Variants in TMEM131 observed in about 807,000 individuals in gnomAD.
TMEM131 encodes transmembrane protein 131, also known as 2610524E03Rik.
A neutral mutation model predicts 211.6 loss-of-function variants in TMEM131; 66 were observed. The ratio of observed to expected loss-of-function variants is 0.31; its 90% CI spans 0.26 to 0.38. The LOEUF (loss-of-function observed/expected upper bound fraction) is 0.38, where lower values mean the gene tolerates loss of function less well. TMEM131 is among the 10% of genes least tolerant of loss of function. The probability of loss-of-function intolerance (pLI) is 1.00; values close to 1 mark genes in which losing one functional copy is unlikely to be tolerated. For synonymous variants in TMEM131, 844 were observed against 841.3 expected (o/e 1.00, Z -0.06); for missense variants, 2,036 against 2,299.3 (o/e 0.89, Z 2.34).
At position 97,966,847 on chromosome 2, in the gene TMEM131, C is replaced by T. The variant is rs527506852; in HGVS notation, c.187+28629G>A. ...AACTTGCTCAAGGTCACAGTCAAGC[C>T]CATATTCCAAGTCAGCAGTCTGTTT... On this transcript the variant is annotated intron_variant, in intron 1 of 40. Coordinates refer to ENST00000186436, the MANE Select transcript of TMEM131 (RefSeq NM_015348.2). Among the ~76,000 whole-genome samples the T allele has an allele frequency of 2.0e-4, 30 of 152,162 alleles. No homozygotes were observed. The South Asian group carries it at 4.0e-3, about 20-fold the overall frequency.
At chr2:97,924,083 A>C (rs969652807) in intron 2 of TMEM131, among the ~76,000 whole-genome samples, 1 of 134,230 alleles carries the variant, frequency 7.4e-6, no homozygotes, top group Non-Finnish European at 1.7e-5. Flanking sequence ...CCATCTCAAA[A>C]AAAAAAAAGT....
intron 31 of TMEM131, among the ~76,000 whole-genome samples, chr2:97,786,840 G>A (rs1401236308): frequency 2.0e-5 from 3 of 152,190 alleles, no homozygotes; most frequent in Non-Finnish European, 4.4e-5. Flanking sequence ...ACAGAGCCAC[G>A]ATATCCGTTC....
chr2:97,861,660 T>C (rs906605289), intron 4 of TMEM131, among the ~76,000 whole-genome samples: 3 of 151,382 alleles, frequency 2.0e-5, no homozygotes, highest in Non-Finnish European at 4.4e-5. Flanking sequence ...GAAGAGTGGG[T>C]AGGACTGCAT....
intron 1 of TMEM131, 117 bp downstream of exon 1, chr2:97,995,359 C>T: frequency 9.3e-7 from 1 of 1,077,302 alleles, no homozygotes; most frequent in Non-Finnish European, 1.2e-6. Context: ...CGGTACCCGA[C>T]CGCCCAACTT....
At chr2:97,782,981 A>G (rs952707873) in intron 31 of TMEM131, among the ~76,000 whole-genome samples, 3 of 151,610 alleles carry the variant, frequency 2.0e-5, no homozygotes, top group East Asian at 3.8e-4. Flanking sequence ...AAAAAAAAAA[A>G]GAGCAAACCT....
chr2:97,868,212 C>G (rs916641701), intron 4 of TMEM131, among the ~76,000 whole-genome samples: 1 of 152,054 alleles, frequency 6.6e-6, no homozygotes, highest in African/African-American at 2.4e-5. Context: ...TTACTTTGTC[C>G]AAATTAACAC....
chr2:97,785,428 T>G (rs1326038485), intron 31 of TMEM131, among the ~76,000 whole-genome samples: 2 of 152,094 alleles, frequency 1.3e-5, no homozygotes, highest in African/African-American at 4.8e-5. Flanking sequence ...ATATTCAATA[T>G]CATTATCCAT....
At chr2:97,875,571 A>C (rs185959854) in intron 4 of TMEM131, among the ~76,000 whole-genome samples, 1 of 152,342 alleles carries the variant, frequency 6.6e-6, no homozygotes, top group African/African-American at 2.4e-5. Context: ...AACTCACTTA[A>C]AACTGCACAA....
At chr2:97,829,574 C>T (rs189698802) in intron 11 of TMEM131, among the ~76,000 whole-genome samples, 5 of 152,304 alleles carry the variant, frequency 3.3e-5, no homozygotes, top group East Asian at 1.9e-4. Context: ...AGCCAAATAA[C>T]GGAATAAAAG....
At chr2:97,867,857 G>A (rs1323445989) in intron 4 of TMEM131, among the ~76,000 whole-genome samples, 5 of 152,184 alleles carry the variant, frequency 3.3e-5, no homozygotes. Flanking sequence ...AGGGGTATGT[G>A]GTGGGGAGCA....
intron 4 of TMEM131, among the ~76,000 whole-genome samples, chr2:97,872,399 C>T (rs1483005043): frequency 3.3e-5 from 5 of 152,120 alleles, no homozygotes; most frequent in Non-Finnish European, 7.3e-5. Flanking sequence ...CCTTCTCTCT[C>T]GGAGCTAGTG....
intron 3 of TMEM131, among the ~76,000 whole-genome samples, chr2:97,900,039 C>T (rs1257463978): frequency 6.6e-6 from 1 of 152,000 alleles, no homozygotes; most frequent in Non-Finnish European, 1.5e-5. Flanking sequence ...TTTAAGGTAG[C>T]CTAGTCTCCC....
At chr2:97,901,567 G>C (rs1039831164) in intron 3 of TMEM131, among the ~76,000 whole-genome samples, 2 of 151,828 alleles carry the variant, frequency 1.3e-5, no homozygotes, top group African/African-American at 2.4e-5. Context: ...AAAGAAAATA[G>C]GTATATATTA....
chr2:97,793,662 A>G, intron 29 of TMEM131, 109 bp from the exon 30 acceptor site: 6 of 1,149,278 alleles, frequency 5.2e-6, no homozygotes, highest in Non-Finnish European at 6.0e-6. Context: ...ATGATGTAAT[A>G]GAAAACCAAG....
At chr2:97,885,114 T>C (rs1675090706) in intron 4 of TMEM131, among the ~76,000 whole-genome samples, 1 of 152,236 alleles carries the variant, frequency 6.6e-6, no homozygotes, top group Non-Finnish European at 1.5e-5. Flanking sequence ...GGTTATGTTT[T>C]CATTTCCAGA....
chr2:97,988,600 C>T (rs1227317712), intron 1 of TMEM131, among the ~76,000 whole-genome samples: 1 of 152,046 alleles, frequency 6.6e-6, no homozygotes, highest in Non-Finnish European at 1.5e-5. Context: ...CTGAATATAA[C>T]GTGGGCAAAG....
Position 97,912,915 on chromosome 2 carries a change from T to C in TMEM131, c.250-4217A>G, listed in dbSNP as rs370470414. ...AGACCAGCCTCGGCAAAAATATATGTGATATGCTTTAAAATATTATTAAAT... is the reference window on the plus strand; with the variant it reads ...AGACCAGCCTCGGCAAAAATATATGCGATATGCTTTAAAATATTATTAAAT... On this transcript the variant is annotated intron_variant, in intron 2 of 40. Coordinates refer to ENST00000186436, the MANE Select transcript of TMEM131 (RefSeq NM_015348.2). The C allele has an allele frequency of 3.3e-5, 5 of 152,316 alleles. No homozygotes were observed. In the East Asian group the frequency reaches 5.8e-4, roughly 18 times the overall value. 9.4% of individuals were successfully genotyped at this position (152,316 alleles called of 1,614,324 possible).
At chr2:97,842,428 AT>A (rs1242124398) in intron 6 of TMEM131, among the ~76,000 whole-genome samples, 1 of 152,204 alleles carries the variant, frequency 6.6e-6, no homozygotes, top group Non-Finnish European at 1.5e-5. Flanking sequence ...ATAGTGAACA[AT>A]TCAACAGTAA....
chr2:97,908,837 C>T, intron 2 of TMEM131, 139 bp from the exon 3 acceptor site: 1 of 601,336 alleles, frequency 1.7e-6, no homozygotes, highest in East Asian at 2.9e-5. Flanking sequence ...AACCTGGTCT[C>T]CAAATCACAT....
Sources: gnomAD v4.1 joint callset for allele counts (sites outside exome capture counted in the v4.1 genomes callset) on GRCh38, gnomAD v4.1.1 for gene constraint, MANE v1.5 for transcripts, NCBI Gene and HGNC (gene_info 2026-07-23, HGNC 2026-07-21) for gene names.